Variants in MAMDC2 observed in about 807,000 individuals in gnomAD.
The protein encoded by MAMDC2 is MAM domain containing 2.
Under a neutral mutation model 89.8 loss-of-function variants are expected in MAMDC2, and 57 were observed. That is an observed-to-expected ratio of 0.63 (90% CI 0.51 to 0.79). The LOEUF is 0.79. MAMDC2 is among the 30% of genes least tolerant of loss of function. The pLI is 0.00. For synonymous variants in MAMDC2, 313 were observed against 293.4 expected, an observed-to-expected ratio of 1.07 and a Z score of -0.68; for missense variants, 800 against 820.6, an observed-to-expected ratio of 0.97 and a Z score of 0.31.
At chr9:70,208,305 C>T (rs1166299397) in intron 11 of MAMDC2, among the ~76,000 whole-genome samples, 2 of 152,126 alleles carry the variant, frequency 1.3e-5, no homozygotes, top group Non-Finnish European at 2.9e-5. Context: ...TCTTTTATTT[C>T]ATTGAGCAGT....
chr9:70,047,673 T>C (rs1368661948), intron 2 of MAMDC2, among the ~76,000 whole-genome samples: 1 of 152,222 alleles, frequency 6.6e-6, no homozygotes, highest in South Asian at 2.1e-4. Flanking sequence ...ATGTGCCAGA[T>C]GCACTTCTTA....
At chr9:70,211,678 C>T (rs568246164) in intron 11 of MAMDC2, among the ~76,000 whole-genome samples, 18 of 152,314 alleles carry the variant, frequency 1.2e-4, no homozygotes, top group African/African-American at 2.2e-4. Context: ...TGAGGAGCTA[C>T]GTTCCTCTGG....
chr9:70,058,239 T>C (rs533119803), intron 2 of MAMDC2, among the ~76,000 whole-genome samples: 3 of 152,190 alleles, frequency 2.0e-5, no homozygotes, highest in Non-Finnish European at 4.4e-5. Flanking sequence ...GAAAATGTTC[T>C]TTACAGATGA....
chr9:70,198,827 A>G (rs1014810518), intron 11 of MAMDC2, among the ~76,000 whole-genome samples: 6 of 152,166 alleles, frequency 3.9e-5, no homozygotes, highest in Admixed American at 1.3e-4. Context: ...ACACAATAAA[A>G]TATTAAATAA....
intron 7 of MAMDC2, 37 bp from the exon 8 acceptor site, chr9:70,140,108 T>C (rs2118402977): frequency 1.3e-6 from 2 of 1,523,448 alleles, no homozygotes; most frequent in Non-Finnish European, 1.7e-6. Context: ...TTTGAGATCT[T>C]TGGGACTGTC....
At chr9:70,220,390 A>G (rs1016446016) in intron 12 of MAMDC2, among the ~76,000 whole-genome samples, 1 of 152,224 alleles carries the variant, frequency 6.6e-6, no homozygotes, top group African/African-American at 2.4e-5. Context: ...AGAAGACTCC[A>G]GAATCCTCCC....
At chr9:70,160,071 G>C (rs1373709656) in intron 9 of MAMDC2, among the ~76,000 whole-genome samples, 1 of 152,208 alleles carries the variant, frequency 6.6e-6, no homozygotes, top group South Asian at 2.1e-4. Context: ...AATTCGCAAG[G>C]CATGGTGGCG....
At chr9:70,170,452 A>T (rs2032304180) in intron 10 of MAMDC2, 27 bp from the exon 11 acceptor site, 1 of 1,586,394 alleles carries the variant, frequency 6.3e-7, no homozygotes, top group East Asian at 2.3e-5. Flanking sequence ...AGTCTCAGTG[A>T]TTGCAACATC....
At chr9:70,122,453 TACA>T (rs755200341) in intron 5 of MAMDC2, among the ~76,000 whole-genome samples, 6 of 152,170 alleles carry the variant, frequency 3.9e-5, no homozygotes, top group Non-Finnish European at 8.8e-5. Context: ...AAGATGAATT[TACA>T]ACAAGGCTGG....
intron 11 of MAMDC2, among the ~76,000 whole-genome samples, chr9:70,181,124 C>A (rs771962266): frequency 2.0e-5 from 3 of 152,128 alleles, no homozygotes; most frequent in Admixed American, 6.5e-5. Context: ...TTCCCCATTG[C>A]TTGTTTTTAT....
chr9:70,182,185 T>C (rs2032658720), intron 11 of MAMDC2, among the ~76,000 whole-genome samples: 2 of 152,216 alleles, frequency 1.3e-5, no homozygotes, highest in African/African-American at 4.8e-5. Context: ...CGAACCAGCC[T>C]TGTATCCCAG....
chr9:70,218,928 G>A (rs947012011), intron 12 of MAMDC2, among the ~76,000 whole-genome samples: 3 of 152,040 alleles, frequency 2.0e-5, no homozygotes, highest in African/African-American at 7.3e-5. Flanking sequence ...TCTAAATATG[G>A]TATTACCTAA....
At chr9:70,097,562 C>T (rs1483380088) in intron 2 of MAMDC2, among the ~76,000 whole-genome samples, 2 of 152,152 alleles carry the variant, frequency 1.3e-5, no homozygotes, top group African/African-American at 2.4e-5. Flanking sequence ...ACCTATATTT[C>T]CCCAGTGCAA....
chr9:70,219,426 G>C (rs2182736), intron 12 of MAMDC2, among the ~76,000 whole-genome samples: 1 of 152,048 alleles, frequency 6.6e-6, no homozygotes, highest in Admixed American at 6.5e-5. Context: ...TCTTACTTCT[G>C]GCTGATAAAC....
intron 6 of MAMDC2, among the ~76,000 whole-genome samples, chr9:70,129,007 C>T (rs983519379): frequency 1.3e-5 from 2 of 152,154 alleles, no homozygotes; most frequent in African/African-American, 4.8e-5. Flanking sequence ...ATGTGCCTGA[C>T]TCTGTGCTCG....
At chr9:70,164,957 T>C (rs2032119993) in intron 9 of MAMDC2, among the ~76,000 whole-genome samples, 1 of 145,976 alleles carries the variant, frequency 6.9e-6, no homozygotes, top group South Asian at 2.1e-4. Flanking sequence ...TTTAATTTAA[T>C]ATTTAATATA....
At chr9:70,065,704 C>CCA (rs1172784833) in intron 2 of MAMDC2, among the ~76,000 whole-genome samples, 1 of 151,762 alleles carries the variant, frequency 6.6e-6, no homozygotes, top group Admixed American at 6.6e-5. Flanking sequence ...CTGGCCTGGT[C>CCA]ATTGGGTTGA....
At chr9:70,164,787 A>G (rs1490086790) in intron 9 of MAMDC2, among the ~76,000 whole-genome samples, 1 of 151,824 alleles carries the variant, frequency 6.6e-6, no homozygotes, top group Non-Finnish European at 1.5e-5. Context: ...TACCTGGACT[A>G]CAAGCGCACA....
chr9:70,192,791 G>T (rs561815877), intron 11 of MAMDC2, among the ~76,000 whole-genome samples: 4 of 152,216 alleles, frequency 2.6e-5, no homozygotes, highest in Non-Finnish European at 5.9e-5. Context: ...GGGAAGAGAG[G>T]TTGGGCTCAA....
Sources: allele counts gnomAD v4.1 joint callset (sites outside exome capture counted in the v4.1 genomes callset), GRCh38; gene constraint gnomAD v4.1.1; transcripts MANE v1.5; gene names NCBI Gene and HGNC (gene_info 2026-07-23, HGNC 2026-07-21).